Variants in PUDP observed in about 807,000 individuals in gnomAD.
PUDP encodes the protein pseudouridine 5'-phosphatase.
PUDP carries 8 observed loss-of-function variants against 9.4 expected under a neutral mutation model. That is an observed-to-expected ratio of 0.85 (90% CI 0.50 to 1.53). The LOEUF (loss-of-function observed/expected upper bound fraction) is 1.53. Among genes scored for constraint, PUDP ranks in the 40% most tolerant of loss-of-function variants. The pLI is 0.00. For missense variants in PUDP, 188 were observed against 189.7 expected, an observed-to-expected ratio of 0.99 and a Z score of 0.05; for synonymous variants, 99 against 80.7, an observed-to-expected ratio of 1.23 and a Z score of -1.22.
At chrX:7,104,389 A>C (rs780669067) in intron 2 of PUDP, among the ~76,000 whole-genome samples, 6 of 112,071 alleles carry the variant, frequency 5.4e-5, no homozygotes, top group African/African-American at 1.3e-4. Context: ...GGTGGCTGCC[A>C]GGGGTTGAGG....
chrX:6,747,396 T>C (rs1925012707), intron 3 of PUDP, among the ~76,000 whole-genome samples: 1 of 112,157 alleles, frequency 8.9e-6, no homozygotes, highest in Non-Finnish European at 1.9e-5. Context: ...CCCTTGTCAA[T>C]ATTAAAAATT....
At chrX:7,074,199 C>T (rs1453663556) in intron 3 of PUDP, among the ~76,000 whole-genome samples, 1 of 112,533 alleles carries the variant, frequency 8.9e-6, no homozygotes, top group Non-Finnish European at 1.9e-5. Context: ...GCTGGGATTA[C>T]AGGTGTGAGC....
intron 2 of PUDP, among the ~76,000 whole-genome samples, chrX:7,092,043 A>G (rs1479443776): frequency 8.9e-6 from 1 of 112,854 alleles, no homozygotes; most frequent in East Asian, 2.8e-4. Context: ...AACTCATCGT[A>G]GAGAATGCCA....
At chrX:6,982,023 TACACACACAC>T (rs59016698) in intron 1 of PUDP, among the ~76,000 whole-genome samples, 2 of 86,984 alleles carry the variant, frequency 2.3e-5, no homozygotes, top group Non-Finnish European at 4.5e-5. Context: ...AACTTATGGA[TACACACACAC>T]ACACACACAC....
At chrX:6,884,932 T>C (rs1009327925) in intron 3 of PUDP, among the ~76,000 whole-genome samples, 6 of 111,886 alleles carry the variant, frequency 5.4e-5, no homozygotes, top group Non-Finnish European at 7.5e-5. Context: ...CAGATCAGAC[T>C]GAGATGGCAT....
chrX:6,969,206 T>C (rs1928833798), intron 3 of PUDP, among the ~76,000 whole-genome samples: 1 of 112,198 alleles, frequency 8.9e-6, no homozygotes, highest in African/African-American at 3.2e-5. Flanking sequence ...TGACAAACCT[T>C]GCTACCCACA....
In PUDP at chrX:7,065,172, C is replaced by CA. The variant is rs1930514839; in HGVS notation, c.510+12047dup. On this transcript the variant is annotated intron_variant, in intron 3 of 3. Transcript: ENST00000381077. The stretch of plus-strand genomic sequence containing the variant: ...GCCCCCAAACCAAAAAAAGAAAAAA[C>CA]AAAAAACAAAAAACAAACTCGGGCT... Among the ~76,000 whole-genome samples, 4 of 111,296 alleles carry CA rather than the reference C, an allele frequency of 3.6e-5. 1 individual carries two copies. In the Admixed American group the frequency reaches 3.8e-4, roughly 11 times the overall value.
chrX:6,956,014 C>G, intron 3 of PUDP, among the ~76,000 whole-genome samples: 1 of 111,393 alleles, frequency 9.0e-6, no homozygotes. Context: ...TCTATCTGGT[C>G]TAAATTCCTT....
At chrX:7,004,062 G>A (rs767033739) in intron 1 of PUDP, among the ~76,000 whole-genome samples, 1 of 110,532 alleles carries the variant, frequency 9.0e-6, no homozygotes, top group African/African-American at 3.3e-5. Context: ...TTTTTGTAGA[G>A]ATGGGGTTTT....
At chrX:6,947,627 A>G (rs1180115504) in intron 3 of PUDP, among the ~76,000 whole-genome samples, 1 of 111,373 alleles carries the variant, frequency 9.0e-6, no homozygotes, top group African/African-American at 3.3e-5. Context: ...ACCCATCTCT[A>G]CAACAAATTT....
intron 3 of PUDP, among the ~76,000 whole-genome samples, chrX:6,855,693 G>A (rs758766470): frequency 5.4e-5 from 6 of 112,093 alleles, no homozygotes; most frequent in Non-Finnish European, 9.4e-5. Context: ...GGGGATAGTG[G>A]AGGAAGAATG....
chrX:6,762,991 T>C (rs1273872535), intron 3 of PUDP, among the ~76,000 whole-genome samples: 1 of 112,829 alleles, frequency 8.9e-6, no homozygotes, highest in Non-Finnish European at 1.9e-5. Flanking sequence ...TTAGTGGCTA[T>C]GCCAGTATTA....
chrX:7,084,350 T>C (rs965893156), intron 2 of PUDP, among the ~76,000 whole-genome samples: 2 of 112,519 alleles, frequency 1.8e-5, no homozygotes, highest in African/African-American at 6.5e-5. Flanking sequence ...TCTGTTTTCC[T>C]CATCCTCGTA....
At chrX:7,121,490 C>A (rs951539845) in intron 1 of PUDP, among the ~76,000 whole-genome samples, 2 of 111,538 alleles carry the variant, frequency 1.8e-5, no homozygotes, top group Non-Finnish European at 3.8e-5. Context: ...TCCCTCCACG[C>A]CCACACACTG....
chrX:6,887,910 T>C (rs756083563), intron 3 of PUDP, among the ~76,000 whole-genome samples: 11 of 110,807 alleles, frequency 9.9e-5, no homozygotes, highest in Non-Finnish European at 1.7e-4. Context: ...TAGGAACAGC[T>C]TCTGAAAAGC....
chrX:6,807,240 C>G (rs1184172758), intron 3 of PUDP, among the ~76,000 whole-genome samples: 1 of 112,030 alleles, frequency 8.9e-6, no homozygotes, highest in East Asian at 2.8e-4. Context: ...ACTCCATGAA[C>G]GTTTAACAGT....
intron 3 of PUDP, among the ~76,000 whole-genome samples, chrX:6,819,999 TTTTC>T (rs1320615022): frequency 2.0e-5 from 2 of 101,570 alleles, no homozygotes; most frequent in Non-Finnish European, 3.9e-5. Flanking sequence ...CGCCATAAAT[TTTTC>T]TTTTTTTTTT....
intron 2 of PUDP, among the ~76,000 whole-genome samples, chrX:7,095,568 C>G (rs755718273): frequency 1.8e-5 from 2 of 111,967 alleles, no homozygotes; most frequent in Non-Finnish European, 3.8e-5. Context: ...ACTGGCATAG[C>G]CCCAGCACCG....
rs1194330236 is a variant in PUDP at position 7,116,762 on chromosome X, C to A, written c.62-10924G>T. Among the ~76,000 whole-genome samples, 49 of 111,856 alleles carry A rather than the reference C, an allele frequency of 4.4e-4. No individual in the cohort carries two copies. The Admixed American group carries it at 4.6e-3, about 11-fold the overall frequency. Reference sequence around the variant, plus strand: ...TCCCAAATCTCATGCTGAATTGTAGCCCTCAATGTTGGAGGCAGGGCTTGG... The same window carrying A: ...TCCCAAATCTCATGCTGAATTGTAGACCTCAATGTTGGAGGCAGGGCTTGG... On this transcript the variant is annotated intron_variant, in intron 1 of 3. Coordinates refer to ENST00000381077, the MANE Select transcript of PUDP (RefSeq NM_012080.5).
Sources: allele counts gnomAD v4.1 joint callset (sites outside exome capture counted in the v4.1 genomes callset), GRCh38; gene constraint gnomAD v4.1.1; transcripts MANE v1.5; gene names NCBI Gene and HGNC (gene_info 2026-07-23, HGNC 2026-07-21).